KATNAL1: variants seen among roughly 807,000 people sequenced by gnomAD.
KATNAL1 encodes katanin p60 ATPase-containing subunit A-like 1.
A neutral mutation model predicts 55.2 loss-of-function variants in KATNAL1; 32 were observed. The observed-to-expected ratio is 0.58, with a 90% CI of 0.44 to 0.78. The LOEUF (loss-of-function observed/expected upper bound fraction) is 0.78, where lower values mean the gene tolerates loss of function less well. KATNAL1 is among the 30% of genes least tolerant of loss of function. KATNAL1 has a pLI of 0.00. For missense variants in KATNAL1, 466 were observed against 600.9 expected (o/e 0.78, Z 2.35); for synonymous variants, 193 against 193.6 (o/e 1.00, Z 0.02).
At chr13:30,238,423 T>C (rs1256090236) in intron 6 of KATNAL1, among the ~76,000 whole-genome samples, 3 of 152,176 alleles carry the variant, frequency 2.0e-5, no homozygotes, top group African/African-American at 7.2e-5. Flanking sequence ...CCAGGATCTG[T>C]ACCCCTTACC....
At chr13:30,304,994 A>G (rs541523427) in intron 1 of KATNAL1, among the ~76,000 whole-genome samples, 1 of 152,258 alleles carries the variant, frequency 6.6e-6, no homozygotes, top group East Asian at 1.9e-4. Context: ...GTAACTCCAA[A>G]TGCTTAATTC....
At chr13:30,305,144 C>T (rs2137580076) in intron 1 of KATNAL1, among the ~76,000 whole-genome samples, 1 of 152,320 alleles carries the variant, frequency 6.6e-6, no homozygotes, top group Non-Finnish European at 1.5e-5. Context: ...AATCTGACGC[C>T]ACCACCACTC....
At position 30,206,613 on chromosome 13, in the gene KATNAL1, T is replaced by G. The variant is rs1229612023; in HGVS notation, c.*1927A>C. ...CAGAAAAGGTCTAACTAATCAACTA[T>G]TGTTAGGCTGGTGCAAAAGTAATTG... On this transcript the variant is annotated 3_prime_UTR_variant, in exon 11 of 11. Transcript: ENST00000380615. 1.3e-5 allele frequency: 2 copies of G among 152,052 alleles called. No individual in the cohort carries two copies. Among genetic ancestry groups the G allele is most frequent in the Non-Finnish European group, 2.9e-5 (2 of 67,986 alleles). 9.4% of individuals were successfully genotyped at this position (152,052 alleles called of 1,614,324 possible). A position where few individuals can be genotyped will look rare whatever the true frequency, so the allele number is the denominator to read the frequency against.
intron 6 of KATNAL1, among the ~76,000 whole-genome samples, chr13:30,235,087 G>A (rs1050301765): frequency 2.0e-5 from 3 of 152,174 alleles, no homozygotes; most frequent in African/African-American, 7.2e-5. Context: ...AGAACCATGG[G>A]CAATCATTCA....
chr13:30,247,466 G>A (rs1054649153), intron 4 of KATNAL1, among the ~76,000 whole-genome samples: 7 of 152,182 alleles, frequency 4.6e-5, no homozygotes, highest in Non-Finnish European at 1.0e-4. Context: ...ACTATTCTAA[G>A]CACTGAGGAT....
At chr13:30,302,186 T>C (rs1168333450) in intron 1 of KATNAL1, among the ~76,000 whole-genome samples, 5 of 152,220 alleles carry the variant, frequency 3.3e-5, no homozygotes, top group African/African-American at 1.2e-4. Context: ...CAAGTAGTCT[T>C]TGAACAAGTA....
chr13:30,233,619 A>G (rs944242558), intron 6 of KATNAL1, among the ~76,000 whole-genome samples: 5 of 151,984 alleles, frequency 3.3e-5, no homozygotes, highest in East Asian at 1.9e-4. Flanking sequence ...AAAGAAATCG[A>G]TATGTCGAAG....
chr13:30,237,751 TTCCCCAGA>T (rs1408764174), intron 6 of KATNAL1, among the ~76,000 whole-genome samples: 1 of 152,214 alleles, frequency 6.6e-6, no homozygotes, highest in African/African-American at 2.4e-5. Flanking sequence ...CCTTATCTCT[TTCCCCAGA>T]AGCACCCCCT....
chr13:30,276,516 CAAAAA>C (rs35974864), intron 3 of KATNAL1, among the ~76,000 whole-genome samples: 5 of 99,110 alleles, frequency 5.0e-5, no homozygotes, highest in Admixed American at 2.1e-4. Context: ...TGAGAGATGG[CAAAAA>C]AAAAAAAAAA....
intron 4 of KATNAL1, among the ~76,000 whole-genome samples, chr13:30,253,013 C>G (rs1347261083): frequency 2.0e-5 from 3 of 152,196 alleles, no homozygotes; most frequent in Non-Finnish European, 4.4e-5. Context: ...TCCCAAAGTG[C>G]TGGGATTACA....
At chr13:30,278,687 A>G (rs1422276533) in intron 3 of KATNAL1, among the ~76,000 whole-genome samples, 2 of 152,246 alleles carry the variant, frequency 1.3e-5, no homozygotes, top group Non-Finnish European at 2.9e-5. Context: ...AACTAGAAGT[A>G]TATTTCAGAA....
At chr13:30,234,356 T>C (rs1876440787) in intron 6 of KATNAL1, among the ~76,000 whole-genome samples, 1 of 152,224 alleles carries the variant, frequency 6.6e-6, no homozygotes, top group Non-Finnish European at 1.5e-5. Flanking sequence ...CACATGACTT[T>C]AGTCTTCACC....
At chr13:30,278,595 G>C (rs574913499) in intron 3 of KATNAL1, among the ~76,000 whole-genome samples, 17 of 152,336 alleles carry the variant, frequency 1.1e-4, no homozygotes, top group African/African-American at 4.1e-4. Flanking sequence ...TGCGGACACT[G>C]CTGTTTGAAA....
intron 3 of KATNAL1, among the ~76,000 whole-genome samples, 179 bp downstream of exon 3, chr13:30,279,884 G>C (rs995933283): frequency 6.6e-6 from 1 of 152,116 alleles, no homozygotes; most frequent in Non-Finnish European, 1.5e-5. Flanking sequence ...TATGTAACAA[G>C]TCATTTACTT....
intron 3 of KATNAL1, among the ~76,000 whole-genome samples, chr13:30,273,838 C>A (rs1880556891): frequency 6.6e-6 from 1 of 152,138 alleles, no homozygotes; most frequent in African/African-American, 2.4e-5. Context: ...AAGTCTGGTT[C>A]TCATTTCTAA....
chr13:30,307,107 C>G (rs1172125874), intron 1 of KATNAL1: 4 of 152,262 alleles, frequency 2.6e-5, no homozygotes, highest in Non-Finnish European at 5.9e-5. Context: ...AGCTACCCCA[C>G]CAAGACCGCG....
chr13:30,222,572 A>C (rs531682979), intron 9 of KATNAL1, among the ~76,000 whole-genome samples: 12 of 152,340 alleles, frequency 7.9e-5, no homozygotes, highest in Non-Finnish European at 1.5e-4. Context: ...CATGGCTGGC[A>C]CGATGCATAC....
rs1035096355 is a variant in KATNAL1, at chr13:30,202,932, C to A, written c.*5608G>T. 2 of 152,150 alleles carry A rather than the reference C, an allele frequency of 1.3e-5. No individual in the cohort carries two copies. The highest frequency in any genetic ancestry group is 4.1e-4 in the South Asian group (2 of 4,834). 9.4% of individuals were successfully genotyped at this position (152,150 alleles called of 1,614,324 possible). ...GCTGCCGTACCATCATATGAATATA[C>A]ATTTGTCAGTAAAAATGTGACAAAA... On this transcript the variant is annotated 3_prime_UTR_variant, in exon 11 of 11. Transcript: ENST00000380615.
In KATNAL1 at chr13:30,280,141, G is replaced by C; in HGVS notation, c.245C>G (p.Pro82Arg). The change falls in exon 3 of 11, where the codon CCA (proline) becomes CGA (arginine). Residue 82 changes from proline to arginine, a missense_variant. Around this residue, in one of 3 missense-constraint regions of KATNAL1, gnomAD observed 248 missense variants for 275.5 expected, o/e 0.90. Coordinates refer to ENST00000380615, the MANE Select transcript of KATNAL1 (RefSeq NM_032116.5). The part of the protein sequence containing the change: ...TLESFKIDKP[P>R]DFPVSCQDEP... ...ATCTTGACAGGACACAGGGAAATCT[G>C]GAGGCTTGTCAATTTTAAAACTTTC... The C allele has an allele frequency of 6.2e-7, 1 of 1,613,192 alleles. No individual in the cohort carries two copies. Among genetic ancestry groups the C allele is most frequent in the Non-Finnish European group, 8.5e-7 (1 of 1,179,574 alleles).
Sources: allele counts gnomAD v4.1 joint callset (sites outside exome capture counted in the v4.1 genomes callset), GRCh38; gene constraint gnomAD v4.1.1; regional missense constraint gnomAD v4.1.1; transcripts MANE v1.5; gene names NCBI Gene and HGNC (gene_info 2026-07-23, HGNC 2026-07-21).